MYB: variants seen among roughly 807,000 people sequenced by gnomAD.
The protein encoded by MYB is MYB proto-oncogene, transcription factor.
In MYB, 28 loss-of-function variants were observed where a neutral mutation model predicts 92.9. The ratio of observed to expected loss-of-function variants is 0.30; its 90% CI spans 0.22 to 0.41. MYB has a LOEUF of 0.41. Among genes scored for constraint, MYB ranks in the 10% least tolerant of loss-of-function variants. The pLI is 1.00. For synonymous variants in MYB, 295 were observed against 329.1 expected, an observed-to-expected ratio of 0.90 and a Z score of 1.12; for missense variants, 679 against 929.3, an observed-to-expected ratio of 0.73 and a Z score of 3.50.
chr6:135,205,311 G>A (rs1203341894), intron 15 of MYB, among the ~76,000 whole-genome samples: 5 of 150,524 alleles, frequency 3.3e-5, no homozygotes, highest in Admixed American at 6.6e-5. Context: ...ACTGCTATTC[G>A]TGTTTTAATT....
Position 135,189,742 on chromosome 6 carries a change from G to C in MYB, c.214-49G>C, listed in dbSNP as rs369020070. The C allele has an allele frequency of 8.0e-6, 12 of 1,503,080 alleles. No individual in the cohort carries two copies. In the African/African-American group the frequency reaches 1.7e-4, roughly 21 times the overall value. The allele number at this position is 1,503,080 out of a possible 1,614,324, so 93.1% of individuals were successfully genotyped here. On this transcript the variant is annotated intron_variant, in intron 3 of 15. Coordinates refer to ENST00000341911, the MANE Select transcript of MYB (RefSeq NM_001130173.2). ...ATTCCTATTACAACAAAAAATTCAC[G>C]TGCTTATCACATCATATCTTTATGG...
chr6:135,188,952 C>T (rs1230073258), intron 3 of MYB, among the ~76,000 whole-genome samples: 3 of 152,176 alleles, frequency 2.0e-5, no homozygotes, highest in Admixed American at 6.5e-5. Flanking sequence ...CACACAGAGG[C>T]CCTCCTCTAT....
chr6:135,193,891 C>A lies in MYB; in HGVS notation c.816C>A (p.Val272=). Residue 272 remains valine (V), a synonymous_variant, in exon 7 of 16, where the codon GTC becomes GTA. Coordinates refer to ENST00000341911, the MANE Select transcript of MYB (RefSeq NM_001130173.2). ...CGTTACATGTAAATATAGTCAATGT[C>A]CCTCAGCCAGCTGCCGCAGCCATTC... The part of the protein sequence containing the change: ...PVALHVNIVN[V]PQPAAAAIQR... 2 of 1,612,562 alleles carry A rather than the reference C, an allele frequency of 1.2e-6. No homozygotes were observed. The highest frequency in any genetic ancestry group is 1.7e-6 in the Non-Finnish European group (2 of 1,178,630).
chr6:135,208,262 AGGG>A (rs1779247677), intron 15 of MYB, among the ~76,000 whole-genome samples: 1 of 151,434 alleles, frequency 6.6e-6, no homozygotes, highest in African/African-American at 2.4e-5. Context: ...TATTTTTAGT[AGGG>A]ACGGGGTTTC....
chr6:135,181,596 A>C lies in MYB; in HGVS notation c.23+60A>C. On this transcript the variant is annotated intron_variant, in intron 1 of 15. Transcript: ENST00000341911. This position sits in a 1 kb window ranked among gnomAD's most constrained non-coding sequence, Gnocchi z 5.3. Reference sequence around the variant, plus strand: ...GGCGCGCGGGGGCGCGCGGGGCGCCAGGCTCCCGGGAGCAGGTGGGAATTC... The same window carrying C: ...GGCGCGCGGGGGCGCGCGGGGCGCCCGGCTCCCGGGAGCAGGTGGGAATTC... 9.2e-7 allele frequency: 1 copy of C among 1,085,836 alleles called. No homozygotes were observed. The allele number at this position is 1,085,836 out of a possible 1,614,324, so 67.3% of individuals were successfully genotyped here.
intron 15 of MYB, among the ~76,000 whole-genome samples, chr6:135,209,200 A>G (rs1030970853): frequency 2.0e-5 from 3 of 152,098 alleles, no homozygotes; most frequent in African/African-American, 7.2e-5. Context: ...AAGTCTGTCC[A>G]TTGTTATGTG....
At chr6:135,208,203 C>T (rs1245636487) in intron 15 of MYB, among the ~76,000 whole-genome samples, 3 of 148,518 alleles carry the variant, frequency 2.0e-5, no homozygotes, top group Non-Finnish European at 3.0e-5. Context: ...CTTAGCCTCT[C>T]GAGTAGCTGG....
intron 4 of MYB, 65 bp downstream of exon 4, chr6:135,189,948 C>T (rs944742572): frequency 5.3e-6 from 8 of 1,519,016 alleles, no homozygotes; most frequent in African/African-American, 1.4e-5. Flanking sequence ...CTAATATTTT[C>T]CTATTTGAGG....
At chr6:135,198,883 A>AT (rs1777689746) in intron 10 of MYB, 25 bp from the exon 11 acceptor site, 1 of 1,561,146 alleles carries the variant, frequency 6.4e-7, no homozygotes, top group Admixed American at 1.8e-5. Context: ...TAATCTAAGT[A>AT]TTTTTTCTTT....
chr6:135,181,766 A>G lies in MYB; in HGVS notation c.23+230A>G, dbSNP rs1342287176. Among the ~76,000 whole-genome samples the G allele has an allele frequency of 6.6e-6, 1 of 152,224 alleles. No individual in the cohort carries two copies. On this transcript the variant is annotated intron_variant, in intron 1 of 15. Transcript: ENST00000341911. This position sits in a 1 kb window ranked among gnomAD's most constrained non-coding sequence, Gnocchi z 5.3. Reference sequence around the variant, plus strand: ...CGTTGGGAAGCACGCCCTGCGGCTCATTTTGCAAGTTGCATGGGGATACAT... The same window carrying G: ...CGTTGGGAAGCACGCCCTGCGGCTCGTTTTGCAAGTTGCATGGGGATACAT...
At position 135,199,385 on chromosome 6, in the gene MYB, C is replaced by T. The variant is rs1777761354; in HGVS notation, c.1709+335C>T. 2.0e-5 allele frequency: 5 copies of T among 250,944 alleles called. No homozygotes were observed. The South Asian group carries it at 5.2e-4, about 26-fold the overall frequency. The allele number at this position is 250,944 out of a possible 1,614,324, so 15.5% of individuals were successfully genotyped here. A position where few individuals can be genotyped will look rare whatever the true frequency, so the allele number is the denominator to read the frequency against. ...AGCCAGATTTTCAACCTCCTTTCCT[C>T]TCTAATTGTAAGCTTCAGAATAAGA... On this transcript the variant is annotated intron_variant, in intron 11 of 15. Coordinates refer to ENST00000341911, the MANE Select transcript of MYB (RefSeq NM_001130173.2).
At chr6:135,201,573 ACTCCTGACTG>A (rs1778098813) in intron 13 of MYB, 56 bp from the exon 14 acceptor site, 1 of 1,064,274 alleles carries the variant, frequency 9.4e-7, no homozygotes, top group Admixed American at 2.0e-5. Flanking sequence ...CCAGAAATAT[ACTCCTGACTG>A]TACATGTTTC....
chr6:135,214,701 G>A (rs887033200), intron 15 of MYB, among the ~76,000 whole-genome samples: 7 of 152,094 alleles, frequency 4.6e-5, no homozygotes, highest in African/African-American at 1.7e-4. Context: ...CTGTTGTAGC[G>A]ACTACAAATG....
At chr6:135,207,576 T>C (rs527635013) in intron 15 of MYB, among the ~76,000 whole-genome samples, 7 of 152,318 alleles carry the variant, frequency 4.6e-5, no homozygotes, top group African/African-American at 1.4e-4. Context: ...TAAATGCACA[T>C]GCAATATATA....
At chr6:135,201,857 A>T (rs1005013853) in intron 14 of MYB, 108 bp downstream of exon 14, 1 of 468,586 alleles carries the variant, frequency 2.1e-6, no homozygotes, top group Non-Finnish European at 3.7e-6. Context: ...TCTTTAACAC[A>T]TCTTATTTCT....
At chr6:135,217,766 T>C (rs1780655124) in intron 15 of MYB, 98 bp from the exon 16 acceptor site, 11 of 823,674 alleles carry the variant, frequency 1.3e-5, no homozygotes, top group South Asian at 1.3e-4. Flanking sequence ...CTTCCTGGTG[T>C]CAACCACTTG....
In MYB at chr6:135,185,625, A is replaced by G. The variant is rs147308393; in HGVS notation, c.24-278A>G. 4.5e-3 allele frequency among the ~76,000 whole-genome samples: 679 copies of G among 152,272 alleles called. 4 individuals are homozygous for G. Among genetic ancestry groups the G allele is most frequent in the Middle Eastern group, 0.027 (8 of 294 alleles). ...TGGTTGGAAGGTGGCCAAATGTGTAACTTGTCCCTGGTCTAATAGTAACAG... is the reference window on the plus strand; with the variant it reads ...TGGTTGGAAGGTGGCCAAATGTGTAGCTTGTCCCTGGTCTAATAGTAACAG... On this transcript the variant is annotated intron_variant, in intron 1 of 15. Coordinates refer to ENST00000341911, the MANE Select transcript of MYB (RefSeq NM_001130173.2).
At chr6:135,201,518 G>C (rs548692044) in intron 13 of MYB, 121 bp from the exon 14 acceptor site, 1 of 551,738 alleles carries the variant, frequency 1.8e-6, no homozygotes, top group African/African-American at 2.0e-5. Flanking sequence ...TGAGCTGATA[G>C]TGTAAGTTAG....
At chr6:135,195,383 A>T in intron 8 of MYB, 1 of 260,428 alleles carries the variant, frequency 3.8e-6, no homozygotes, top group Non-Finnish European at 7.6e-6. Context: ...TAGAATGCAA[A>T]TAGGACAGTT....
Sources: allele counts gnomAD v4.1 joint callset (sites outside exome capture counted in the v4.1 genomes callset), GRCh38; gene constraint gnomAD v4.1.1; non-coding constraint Gnocchi (gnomAD v3.1); transcripts MANE v1.5; gene names NCBI Gene and HGNC (gene_info 2026-07-23, HGNC 2026-07-21).